Variants in EXOC2 observed in about 807,000 individuals in gnomAD.
The protein encoded by EXOC2 is exocyst complex component 2, also known as SEC5-like 1.
EXOC2 carries 70 observed loss-of-function variants against 131.8 expected under a neutral mutation model. The observed-to-expected ratio is 0.53, with a 90% CI of 0.44 to 0.65. The LOEUF (loss-of-function observed/expected upper bound fraction) is 0.65, where lower values mean the gene tolerates loss of function less well. Among genes scored for constraint, EXOC2 ranks in the 30% least tolerant of loss-of-function variants. The pLI, the probability that EXOC2 is intolerant of heterozygous loss-of-function variation, is 0.00. For synonymous variants in EXOC2, 411 were observed against 398.4 expected, an observed-to-expected ratio of 1.03 and a Z score of -0.38; for missense variants, 923 against 1,108.6, an observed-to-expected ratio of 0.83 and a Z score of 2.38.
At chr6:544,967 G>A (rs1756759143) in intron 22 of EXOC2, among the ~76,000 whole-genome samples, 1 of 151,652 alleles carries the variant, frequency 6.6e-6, no homozygotes, top group Non-Finnish European at 1.5e-5. Context: ...CTAACAAGGT[G>A]AAACCCCGTC....
chr6:536,189 C>G (rs1344213893), intron 22 of EXOC2, among the ~76,000 whole-genome samples: 1 of 151,886 alleles, frequency 6.6e-6, no homozygotes. Flanking sequence ...AGAAATAATA[C>G]CAAAAAAGAA....
intron 17 of EXOC2, among the ~76,000 whole-genome samples, chr6:557,286 A>T (rs1443062306): frequency 6.6e-6 from 1 of 152,240 alleles, no homozygotes; most frequent in East Asian, 1.9e-4. Context: ...AAAAAAGTAT[A>T]GAAATAAAAT....
At chr6:553,002 TCTC>T (rs556269289) in intron 21 of EXOC2, among the ~76,000 whole-genome samples, 7 of 152,030 alleles carry the variant, frequency 4.6e-5, no homozygotes, top group Non-Finnish European at 1.0e-4. Flanking sequence ...ACTGCAAGCT[TCTC>T]CTCTTGGGCT....
At chr6:614,104 C>T (rs959113781) in intron 6 of EXOC2, among the ~76,000 whole-genome samples, 1 of 152,036 alleles carries the variant, frequency 6.6e-6, no homozygotes, top group African/African-American at 2.4e-5. Context: ...TGGCCTTTGT[C>T]CTTAGGTCCT....
intron 22 of EXOC2, among the ~76,000 whole-genome samples, chr6:543,192 C>T (rs1317590787): frequency 6.6e-6 from 1 of 152,118 alleles, no homozygotes; most frequent in Non-Finnish European, 1.5e-5. Context: ...TGGCAAAAAC[C>T]ATCATGAGGA....
rs1764256797 is a variant in EXOC2 at position 502,218 on chromosome 6, T to TA, written c.2381-2519dup. On this transcript the variant is annotated intron_variant, in intron 23 of 27. Coordinates refer to ENST00000230449, the MANE Select transcript of EXOC2 (RefSeq NM_018303.6). The stretch of plus-strand genomic sequence containing the variant: ...ATTTTCGATGCTCTAAGGAACAGAA[T>TA]AAAAAATTCACAGCCTCTGCCCTCA... Among the ~76,000 whole-genome samples, 7 of 152,124 alleles carry TA rather than the reference T, an allele frequency of 4.6e-5. No individual in the cohort carries two copies. In the South Asian group the frequency reaches 1.5e-3, roughly 32 times the overall value.
intron 1 of EXOC2, among the ~76,000 whole-genome samples, chr6:675,628 GA>G (rs1562002305): frequency 4.8e-4 from 17 of 35,360 alleles, no homozygotes; most frequent in African/African-American, 1.0e-3. Flanking sequence ...CAGCATTACA[GA>G]AAGGACAGGT....
intron 1 of EXOC2, among the ~76,000 whole-genome samples, chr6:653,383 T>C (rs779000868): frequency 2.0e-4 from 31 of 152,214 alleles, no homozygotes; most frequent in Non-Finnish European, 3.1e-4. Context: ...TTGATGGAAA[T>C]TAAAATTGCT....
chr6:632,402 G>C (rs1165562988), intron 3 of EXOC2, among the ~76,000 whole-genome samples: 1 of 152,202 alleles, frequency 6.6e-6, no homozygotes, highest in African/African-American at 2.4e-5. Context: ...GCTAACGGAA[G>C]GCAGCAAGTG....
chr6:538,789 T>C (rs1766619534), intron 22 of EXOC2, among the ~76,000 whole-genome samples: 1 of 152,180 alleles, frequency 6.6e-6, no homozygotes, highest in African/African-American at 2.4e-5. Context: ...GTAGAAAATA[T>C]CTGGCCGGGC....
chr6:529,636 A>G (rs1765957176), intron 23 of EXOC2, among the ~76,000 whole-genome samples: 1 of 152,234 alleles, frequency 6.6e-6, no homozygotes, highest in South Asian at 2.1e-4. Context: ...AACATAACCA[A>G]TTAAGATAAG....
At chr6:656,181 C>T in intron 1 of EXOC2, 1 of 1,614,116 alleles carries the variant, frequency 6.2e-7, no homozygotes, top group Non-Finnish European at 8.5e-7. Flanking sequence ...AGTATTGTCC[C>T]AAATATTGCA....
intron 1 of EXOC2, among the ~76,000 whole-genome samples, chr6:691,549 T>C (rs1764923986): frequency 1.3e-5 from 2 of 152,256 alleles, no homozygotes; most frequent in Non-Finnish European, 2.9e-5. Flanking sequence ...CTCAGCTTAC[T>C]TTAAGAATAC....
At chr6:553,439 A>C (rs1019862734) in intron 21 of EXOC2, among the ~76,000 whole-genome samples, 7 of 151,922 alleles carry the variant, frequency 4.6e-5, no homozygotes, top group African/African-American at 1.7e-4. Flanking sequence ...CTGTGCTCAA[A>C]TAAAAGGCTA....
intron 11 of EXOC2, among the ~76,000 whole-genome samples, chr6:578,159 T>C (rs938293143): frequency 1.3e-5 from 2 of 152,228 alleles, no homozygotes; most frequent in African/African-American, 4.8e-5. Flanking sequence ...CTAAAAAATA[T>C]ATTTTTTACT....
At chr6:488,585 TAAAAAA>T (rs758233245) in intron 27 of EXOC2, among the ~76,000 whole-genome samples, 1 of 150,922 alleles carries the variant, frequency 6.6e-6, no homozygotes, top group Non-Finnish European at 1.5e-5. Context: ...ACTCAAAAAT[TAAAAAA>T]AAAATCACCG....
chr6:486,803 G>A, intron 27 of EXOC2, 39 bp from the exon 28 acceptor site: 1 of 1,555,792 alleles, frequency 6.4e-7, no homozygotes, highest in Non-Finnish European at 8.9e-7. Context: ...CCCGACAGAT[G>A]GGGCGGCCTA....
At chr6:583,143 A>T (rs1261850331) in intron 11 of EXOC2, among the ~76,000 whole-genome samples, 1 of 152,228 alleles carries the variant, frequency 6.6e-6, no homozygotes. Flanking sequence ...TACATGCAGA[A>T]AAATGCTTAG....
intron 1 of EXOC2, among the ~76,000 whole-genome samples, chr6:687,327 T>A (rs1396129036): frequency 6.6e-6 from 1 of 151,778 alleles, no homozygotes; most frequent in South Asian, 2.1e-4. Context: ...ACCACAGACA[T>A]GTACCACCAC....
Sources: allele counts gnomAD v4.1 joint callset (sites outside exome capture counted in the v4.1 genomes callset), GRCh38; gene constraint gnomAD v4.1.1; transcripts MANE v1.5; gene names NCBI Gene and HGNC (gene_info 2026-07-23, HGNC 2026-07-21).